Variants in PAK2 observed in about 807,000 individuals in gnomAD.
PAK2 encodes the protein p21 (RAC1) activated kinase 2, also known as serine/threonine-protein kinase PAK 2.
Under a neutral mutation model 65.9 loss-of-function variants are expected in PAK2, and 21 were observed. The observed-to-expected ratio is 0.32, with a 90% CI of 0.23 to 0.46. The LOEUF is 0.46. Ranked by LOEUF, PAK2 falls within the 20% of genes least tolerant of loss-of-function variation. PAK2 has a pLI of 1.00. For missense variants in PAK2, 324 were observed against 642.6 expected (o/e 0.50, Z 5.36); for synonymous variants, 204 against 219.7 (o/e 0.93, Z 0.63).
intron 1 of PAK2, among the ~76,000 whole-genome samples, chr3:196,776,408 A>G (rs899695948): frequency 3.9e-5 from 6 of 152,200 alleles, no homozygotes; most frequent in Admixed American, 1.3e-4. Context: ...CCTCTGTTTC[A>G]TGCAACACCT....
intron 2 of PAK2, among the ~76,000 whole-genome samples, chr3:196,797,020 G>A (rs1260960327): frequency 6.6e-6 from 1 of 151,980 alleles, no homozygotes; most frequent in South Asian, 2.1e-4. Flanking sequence ...GTAATTGGTA[G>A]AAAAAGTAGA....
In PAK2 at chr3:196,767,987, C is replaced by A. The variant is rs1049393010; in HGVS notation, c.-21-14639C>A. Among the ~76,000 whole-genome samples the A allele has an allele frequency of 1.9e-4, 29 of 151,984 alleles. 1 individual carries two copies. The highest frequency in any genetic ancestry group is 1.5e-3 in the Admixed American group (23 of 15,264). ...GATTTCCAAAATTGTGAATAAACTT[C>A]TTGGTGAAGTCTGAGCCAAAGTACA... On this transcript the variant is annotated intron_variant, in intron 1 of 14. Transcript: ENST00000327134.
chr3:196,775,508 G>A lies in PAK2; in HGVS notation c.-21-7118G>A, dbSNP rs185570067. ...AGCAATTCTCCTGCCTCAGCCTCCC[G>A]AGTAGCTGGGACTACAGGCGCCCAC... On this transcript the variant is annotated intron_variant, in intron 1 of 14. Coordinates refer to ENST00000327134, the MANE Select transcript of PAK2 (RefSeq NM_002577.4). Among the ~76,000 whole-genome samples the A allele has an allele frequency of 2.7e-3, 405 of 151,942 alleles. 24 individuals carry two copies. The highest frequency in any genetic ancestry group is 0.026 in the Admixed American group (401 of 15,248).
intron 1 of PAK2, among the ~76,000 whole-genome samples, chr3:196,771,587 T>C (rs1714361961): frequency 1.3e-5 from 2 of 152,092 alleles, no homozygotes; most frequent in South Asian, 4.2e-4. Flanking sequence ...TGAGACAGAG[T>C]CTTGCTCTGT....
chr3:196,827,630 C>A (rs899825723), intron 14 of PAK2, among the ~76,000 whole-genome samples: 1 of 151,892 alleles, frequency 6.6e-6, no homozygotes, highest in Non-Finnish European at 1.5e-5. Flanking sequence ...GGAGGGATAG[C>A]ATTAGGAGAT....
At chr3:196,746,356 G>A (rs774049712) in intron 1 of PAK2, among the ~76,000 whole-genome samples, 18 of 151,956 alleles carry the variant, frequency 1.2e-4, no homozygotes, top group Non-Finnish European at 1.8e-4. Flanking sequence ...ATGATGATAT[G>A]GTTTTCTTCT....
chr3:196,764,841 C>CTTTTTTTT (rs57199433), intron 1 of PAK2, among the ~76,000 whole-genome samples: 2 of 107,640 alleles, frequency 1.9e-5, no homozygotes, highest in Non-Finnish European at 3.7e-5. Context: ...TCTTTTCTTT[C>CTTTTTTTT]TTTTTTTTTT....
rs560199267 is a variant in PAK2, at chr3:196,823,127, C to T, written c.1350+2560C>T. 9.9e-5 allele frequency among the ~76,000 whole-genome samples: 15 copies of T among 152,186 alleles called. No individual in the cohort carries two copies. The East Asian group carries it at 2.9e-3, about 29-fold the overall frequency. On this transcript the variant is annotated intron_variant, in intron 13 of 14. Transcript: ENST00000327134. ...GAGAGATCCCTGAGGAAGGCAAAGG[C>T]AGAGCAGAAGACCAGTCAAGAGGCT...
intron 1 of PAK2, among the ~76,000 whole-genome samples, chr3:196,753,959 A>G (rs570726011): frequency 7.4e-4 from 112 of 152,254 alleles, no homozygotes; most frequent in Non-Finnish European, 1.5e-3. Context: ...TTGAAAACAC[A>G]TGTAATTATT....
chr3:196,809,348 CTTTTTT>C (rs758343803), intron 7 of PAK2, among the ~76,000 whole-genome samples: 2 of 90,714 alleles, frequency 2.2e-5, no homozygotes, highest in Non-Finnish European at 4.0e-5. Flanking sequence ...TTATTATTAT[CTTTTTT>C]TTTTTTTTTT....
At chr3:196,763,051 G>T (rs529597462) in intron 1 of PAK2, among the ~76,000 whole-genome samples, 1 of 152,268 alleles carries the variant, frequency 6.6e-6, no homozygotes, top group African/African-American at 2.4e-5. Flanking sequence ...ACTTCCCCTA[G>T]GGCTGAGATA....
chr3:196,759,517 TTTTTTTTTTTTTTTTTTTTTG>T (rs1713888868), intron 1 of PAK2, among the ~76,000 whole-genome samples: 1 of 125,992 alleles, frequency 7.9e-6, no homozygotes, highest in African/African-American at 3.0e-5. Flanking sequence ...TTTTTTTTTT[TTTTTTTTTTTTTTTTTTTTTG>T]AGATAGAGTC....
At chr3:196,804,858 T>C (rs373307625) in intron 4 of PAK2, among the ~76,000 whole-genome samples, 5 of 150,332 alleles carry the variant, frequency 3.3e-5, no homozygotes, top group African/African-American at 4.9e-5. Context: ...CACACACATA[T>C]ACACACACAC....
rs1711978374 is a variant in PAK2 at position 196,829,095 on chromosome 3, G to A, written c.*690G>A. ...TTTCGTGGTAGTAAGTTCGGCATTTGTTACATGTATAGAGAGAAGACTAAT... is the reference window on the plus strand; with the variant it reads ...TTTCGTGGTAGTAAGTTCGGCATTTATTACATGTATAGAGAGAAGACTAAT... On this transcript the variant is annotated 3_prime_UTR_variant, in exon 15 of 15. Transcript: ENST00000327134. 6.6e-6 allele frequency: 1 copy of A among 152,670 alleles called. No homozygotes were observed. Among genetic ancestry groups the A allele is most frequent in the African/African-American group, 2.4e-5 (1 of 41,448 alleles). The allele number at this position is 152,670 out of a possible 1,614,324, so 9.5% of individuals were successfully genotyped here.
chr3:196,757,546 T>C (rs1713810656), intron 1 of PAK2, among the ~76,000 whole-genome samples: 1 of 152,082 alleles, frequency 6.6e-6, no homozygotes, highest in Admixed American at 6.6e-5. Context: ...TGGTTTGAGG[T>C]TTTTGTGATC....
chr3:196,775,306 T>C (rs1714499491), intron 1 of PAK2, among the ~76,000 whole-genome samples: 1 of 152,228 alleles, frequency 6.6e-6, no homozygotes, highest in Non-Finnish European at 1.5e-5. Context: ...GGTTCCTCTT[T>C]AGTTCTATTA....
At chr3:196,766,931 CGTGTGTGTGT>C (rs60929724) in intron 1 of PAK2, among the ~76,000 whole-genome samples, 86 of 134,402 alleles carry the variant, frequency 6.4e-4, no homozygotes, top group African/African-American at 9.5e-4. Flanking sequence ...AAGTACACCC[CGTGTGTGTGT>C]GTGTGTGTGT....
rs1462701724 is a variant in PAK2 at position 196,807,784 on chromosome 3, T to G, written c.579T>G (p.Ile193Met). The G allele has an allele frequency of 5.0e-6, 8 of 1,590,020 alleles. No homozygotes were observed. Among genetic ancestry groups the G allele is most frequent in the Non-Finnish European group, 6.9e-6 (8 of 1,162,112 alleles). Residue 193 changes from isoleucine (I) to methionine (M), a missense_variant and splice_region_variant, in exon 7 of 15, where the codon ATT becomes ATG. Physicochemically the swap from Ile to Met is conservative, Grantham distance 10. Transcript: ENST00000327134. ...IAPRPDHTKS[I>M]YTRSVIDPVP... ...GGTAATGAACTGTGTCTCCACAGAT[T>G]TACACACGGTCTGTAATTGACCCTG...
At chr3:196,783,710 G>A (rs897257824) in intron 2 of PAK2, among the ~76,000 whole-genome samples, 8 of 151,506 alleles carry the variant, frequency 5.3e-5, no homozygotes, top group East Asian at 3.9e-4. Flanking sequence ...CCTTCTCTTC[G>A]TCCCCAATAT....
Sources: allele counts gnomAD v4.1 joint callset (sites outside exome capture counted in the v4.1 genomes callset), GRCh38; gene constraint gnomAD v4.1.1; transcripts MANE v1.5; gene names NCBI Gene and HGNC (gene_info 2026-07-23, HGNC 2026-07-21).